CTXND1: variants seen among roughly 807,000 people sequenced by gnomAD.
The protein encoded by CTXND1 is cortexin domain containing 1.
chr15:80,207,266 A>G (rs1230278285), intron 1 of CTXND1, among the ~76,000 whole-genome samples: 4 of 150,796 alleles, frequency 2.7e-5, no homozygotes, highest in Non-Finnish European at 5.9e-5. Flanking sequence ...CTGTGTCACA[A>G]TTTTATTTGT....
chr15:80,214,065 T>C (rs1222675841), intron 1 of CTXND1, among the ~76,000 whole-genome samples: 1 of 152,112 alleles, frequency 6.6e-6, no homozygotes, highest in African/African-American at 2.4e-5. Context: ...TTAAAAACAA[T>C]TTTTGAAAAA....
chr15:80,231,074 A>T (rs929816961), intron 1 of CTXND1, among the ~76,000 whole-genome samples: 4 of 152,016 alleles, frequency 2.6e-5, no homozygotes, highest in Non-Finnish European at 4.4e-5. Context: ...AGAAAAAAAA[A>T]GTGTGTTGCT....
At chr15:80,239,689 T>G (rs1030741468) in intron 1 of CTXND1, among the ~76,000 whole-genome samples, 2 of 152,204 alleles carry the variant, frequency 1.3e-5, no homozygotes, top group South Asian at 4.1e-4. Context: ...ATATATATCC[T>G]ATTAGTTCTA....
intron 1 of CTXND1, among the ~76,000 whole-genome samples, chr15:80,216,653 C>G (rs1893256948): frequency 6.6e-6 from 1 of 151,992 alleles, no homozygotes; most frequent in Non-Finnish European, 1.5e-5. Flanking sequence ...CTCTGTTGCT[C>G]TCCCAGGCTG....
chr15:80,243,934 T>C (rs1405459057), intron 1 of CTXND1, among the ~76,000 whole-genome samples: 1 of 152,174 alleles, frequency 6.6e-6, no homozygotes, highest in East Asian at 1.9e-4. Flanking sequence ...GACCAGGGGA[T>C]GTTGGAGGAG....
At chr15:80,237,944 T>C (rs745833731) in intron 1 of CTXND1, among the ~76,000 whole-genome samples, 3 of 139,674 alleles carry the variant, frequency 2.1e-5, no homozygotes, top group Non-Finnish European at 4.5e-5. Context: ...AGGAGGTGGA[T>C]GTTGCAGTAA....
chr15:80,201,664 C>A lies in CTXND1; in HGVS notation c.*106G>T. 2.5e-6 allele frequency: 1 copy of A among 397,802 alleles called. No homozygotes were observed. The highest frequency in any genetic ancestry group is 4.4e-6 in the Non-Finnish European group (1 of 226,066). The allele number at this position is 397,802 out of a possible 1,614,324, so 24.6% of individuals were successfully genotyped here. The stretch of plus-strand genomic sequence containing the variant: ...TTCTGTTTCCCTGGGTGGCCAGATT[C>A]ATTCCTTGCCTCTGTGGGATGGCAG... On this transcript the variant is annotated 3_prime_UTR_variant, in exon 3 of 3. Transcript: ENST00000560778.
chr15:80,218,772 T>A (rs1451054455), intron 1 of CTXND1, among the ~76,000 whole-genome samples: 2 of 152,104 alleles, frequency 1.3e-5, no homozygotes, highest in East Asian at 3.9e-4. Context: ...ATTACAGATG[T>A]AAGCGAAGCC....
At chr15:80,221,943 T>C (rs1399120867) in intron 1 of CTXND1, among the ~76,000 whole-genome samples, 1 of 152,192 alleles carries the variant, frequency 6.6e-6, no homozygotes, top group Non-Finnish European at 1.5e-5. Context: ...TAATTTCTAG[T>C]TTCATTGCAC....
chr15:80,230,516 G>A (rs903254606), intron 1 of CTXND1, among the ~76,000 whole-genome samples: 1 of 151,976 alleles, frequency 6.6e-6, no homozygotes, highest in Non-Finnish European at 1.5e-5. Flanking sequence ...TAACTTTGTT[G>A]TATACTTTCT....
At chr15:80,202,921 C>T (rs969738372) in intron 2 of CTXND1, among the ~76,000 whole-genome samples, 6 of 152,226 alleles carry the variant, frequency 3.9e-5, no homozygotes, top group African/African-American at 7.2e-5. Context: ...AGGACTCCAG[C>T]GGTAGTGCCT....
intron 1 of CTXND1, among the ~76,000 whole-genome samples, chr15:80,206,743 C>T (rs1209001770): frequency 1.3e-5 from 2 of 151,970 alleles, no homozygotes; most frequent in Non-Finnish European, 2.9e-5. Flanking sequence ...TTAACTTTCA[C>T]CTCCTTTTCC....
At chr15:80,214,200 A>G (rs1203026244) in intron 1 of CTXND1, among the ~76,000 whole-genome samples, 1 of 152,168 alleles carries the variant, frequency 6.6e-6, no homozygotes, top group Non-Finnish European at 1.5e-5. Flanking sequence ...ATTATTGGAT[A>G]ATGTCAATAA....
At chr15:80,217,748 T>A (rs1413374891) in intron 1 of CTXND1, among the ~76,000 whole-genome samples, 1 of 152,068 alleles carries the variant, frequency 6.6e-6, no homozygotes, top group Non-Finnish European at 1.5e-5. Context: ...GGTTTCACCA[T>A]GTTGCCCAGG....
At chr15:80,237,349 A>G (rs1352961854) in intron 1 of CTXND1, among the ~76,000 whole-genome samples, 1 of 97,526 alleles carries the variant, frequency 1.0e-5, no homozygotes, top group Non-Finnish European at 2.5e-5. Flanking sequence ...AAAAAAAAAA[A>G]AAAAAAAAGA....
chr15:80,242,305 G>A (rs1035899269), intron 1 of CTXND1, among the ~76,000 whole-genome samples: 2 of 152,238 alleles, frequency 1.3e-5, no homozygotes, highest in Non-Finnish European at 2.9e-5. Flanking sequence ...TTTGAAATCT[G>A]CAGAAACTCT....
intron 1 of CTXND1, among the ~76,000 whole-genome samples, chr15:80,221,062 C>A (rs186486640): frequency 6.6e-6 from 1 of 152,068 alleles, no homozygotes; most frequent in African/African-American, 2.4e-5. Context: ...GCACCCGCCA[C>A]CACGCTCGAC....
rs1013115591 is a variant in CTXND1, at chr15:80,201,681, G to A, written c.*89C>T. The A allele has an allele frequency of 5.0e-6, 2 of 397,868 alleles. No homozygotes were observed. The highest frequency in any genetic ancestry group is 8.8e-6 in the Non-Finnish European group (2 of 226,148). 24.6% of individuals were successfully genotyped at this position (397,868 alleles called of 1,614,324 possible). On this transcript the variant is annotated 3_prime_UTR_variant, in exon 3 of 3. Transcript: ENST00000560778. ...GCCAGATTCATTCCTTGCCTCTGTG[G>A]GATGGCAGGCTGGCAGGGAACACAC...
intron 1 of CTXND1, among the ~76,000 whole-genome samples, chr15:80,234,103 C>CTTT (rs1340942949): frequency 2.6e-5 from 4 of 152,194 alleles, no homozygotes; most frequent in Non-Finnish European, 5.9e-5. Context: ...CAGCACATTG[C>CTTT]TTTGGAGGAC....
Sources: gnomAD v4.1 joint callset for allele counts (sites outside exome capture counted in the v4.1 genomes callset) on GRCh38, gnomAD v4.1.1 for gene constraint, MANE v1.5 for transcripts, NCBI Gene and HGNC (gene_info 2026-07-23, HGNC 2026-07-21) for gene names.